ZMAT4: variants seen among roughly 807,000 people sequenced by gnomAD.
The protein encoded by ZMAT4 is zinc finger matrin-type protein 4.
In ZMAT4, 17 loss-of-function variants were observed where a neutral mutation model predicts 28.7. That is an observed-to-expected ratio of 0.59 (90% CI 0.41 to 0.89). The LOEUF is 0.89. ZMAT4 is among the 40% of genes least tolerant of loss of function. The probability of loss-of-function intolerance (pLI) is 0.00; values close to 1 mark genes in which losing one functional copy is unlikely to be tolerated. For missense variants in ZMAT4, 240 were observed against 283.8 expected (o/e 0.85, Z 1.11); for synonymous variants, 117 against 109.2 (o/e 1.07, Z -0.44).
intron 6 of ZMAT4, among the ~76,000 whole-genome samples, chr8:40,555,965 C>G (rs998507666): frequency 2.0e-5 from 3 of 152,106 alleles, no homozygotes; most frequent in African/African-American, 4.8e-5. Context: ...GGTATTTGGA[C>G]TTTATCTTAC....
At chr8:40,713,977 A>G (rs1056647610) in intron 3 of ZMAT4, among the ~76,000 whole-genome samples, 1 of 151,636 alleles carries the variant, frequency 6.6e-6, no homozygotes. Context: ...AAAGAAATAT[A>G]CATATCCAAT....
At chr8:40,634,038 A>G (rs1222517363) in intron 5 of ZMAT4, among the ~76,000 whole-genome samples, 1 of 152,222 alleles carries the variant, frequency 6.6e-6, no homozygotes, top group East Asian at 1.9e-4. Context: ...CTGAGGTCAC[A>G]TGAACCACTG....
intron 1 of ZMAT4, among the ~76,000 whole-genome samples, chr8:40,857,306 G>A (rs1048674112): frequency 6.6e-6 from 1 of 151,966 alleles, no homozygotes; most frequent in Non-Finnish European, 1.5e-5. Flanking sequence ...GTGAGCTATG[G>A]TCATGCCTGA....
intron 2 of ZMAT4, among the ~76,000 whole-genome samples, chr8:40,817,503 G>T (rs1815590391): frequency 6.6e-6 from 1 of 152,226 alleles, no homozygotes; most frequent in Non-Finnish European, 1.5e-5. Context: ...CCACTTTATG[G>T]AAAGGGAAAA....
At chr8:40,813,057 T>A (rs1016958159) in intron 2 of ZMAT4, among the ~76,000 whole-genome samples, 2 of 151,670 alleles carry the variant, frequency 1.3e-5, no homozygotes, top group Admixed American at 1.3e-4. Context: ...CTGTGACAAA[T>A]GTACCATAGC....
intron 2 of ZMAT4, among the ~76,000 whole-genome samples, chr8:40,813,166 A>T (rs1815396880): frequency 6.6e-6 from 1 of 152,054 alleles, no homozygotes; most frequent in South Asian, 2.1e-4. Flanking sequence ...CTATTCTAAA[A>T]TTTAAAAATT....
At chr8:40,624,044 C>T (rs936279300) in intron 5 of ZMAT4, among the ~76,000 whole-genome samples, 1 of 152,178 alleles carries the variant, frequency 6.6e-6, no homozygotes, top group Non-Finnish European at 1.5e-5. Flanking sequence ...TAGTATTCTG[C>T]AATTTCCTCT....
chr8:40,834,499 A>T (rs1236284630), intron 1 of ZMAT4, among the ~76,000 whole-genome samples: 2 of 152,092 alleles, frequency 1.3e-5, no homozygotes, highest in Non-Finnish European at 2.9e-5. Flanking sequence ...GACATACAAC[A>T]TCACTTGGAT....
intron 5 of ZMAT4, among the ~76,000 whole-genome samples, chr8:40,619,293 G>T (rs957394648): frequency 1.3e-5 from 2 of 152,164 alleles, no homozygotes; most frequent in East Asian, 3.8e-4. Flanking sequence ...CCTCTTTTAT[G>T]CCCATTCCAA....
In ZMAT4 at chr8:40,841,587, G is replaced by A. The variant is rs1036464932; in HGVS notation, c.-4-15907C>T. Among the ~76,000 whole-genome samples, 6 of 152,250 alleles carry A rather than the reference G, an allele frequency of 3.9e-5. No individual in the cohort carries two copies. The East Asian group carries it at 5.8e-4, about 15-fold the overall frequency. ...TGCACCCCCATAGGTGTGCACGCCCGACAGGTGTCGTACACCCCTGCAATG... is the reference window on the plus strand; with the variant it reads ...TGCACCCCCATAGGTGTGCACGCCCAACAGGTGTCGTACACCCCTGCAATG... On this transcript the variant is annotated intron_variant, in intron 1 of 6. Coordinates refer to ENST00000297737, the MANE Select transcript of ZMAT4 (RefSeq NM_024645.3).
intron 1 of ZMAT4, among the ~76,000 whole-genome samples, chr8:40,832,354 T>C (rs1214500601): frequency 6.6e-6 from 1 of 152,172 alleles, no homozygotes; most frequent in Non-Finnish European, 1.5e-5. Context: ...GACATTCTAG[T>C]TCTGCTTCTG....
chr8:40,682,438 G>A (rs759973130), intron 4 of ZMAT4, among the ~76,000 whole-genome samples: 1 of 152,158 alleles, frequency 6.6e-6, no homozygotes, highest in Admixed American at 6.6e-5. Flanking sequence ...TTGTCCCACT[G>A]TTATCACAGA....
intron 1 of ZMAT4, among the ~76,000 whole-genome samples, chr8:40,876,184 C>A (rs1805049169): frequency 6.6e-6 from 1 of 152,170 alleles, no homozygotes. Context: ...TCTGTCCCTG[C>A]CCCTCCTGAG....
intron 3 of ZMAT4, among the ~76,000 whole-genome samples, chr8:40,761,953 A>C (rs1812958242): frequency 6.6e-6 from 1 of 152,218 alleles, no homozygotes; most frequent in Non-Finnish European, 1.5e-5. Context: ...TGTGAAACTC[A>C]TGCGTAGCAG....
At chr8:40,783,099 C>A (rs535344844) in intron 2 of ZMAT4, among the ~76,000 whole-genome samples, 2 of 152,214 alleles carry the variant, frequency 1.3e-5, no homozygotes, top group African/African-American at 4.8e-5. Flanking sequence ...CACACAAAAA[C>A]TTGTCCATGA....
chr8:40,837,925 C>G (rs190767666), intron 1 of ZMAT4, among the ~76,000 whole-genome samples: 17 of 152,364 alleles, frequency 1.1e-4, no homozygotes, highest in African/African-American at 3.4e-4. Context: ...CAGACCCATG[C>G]TCCTCACCCC....
chr8:40,650,467 A>G, intron 5 of ZMAT4, among the ~76,000 whole-genome samples: 1 of 114,030 alleles, frequency 8.8e-6, no homozygotes. Flanking sequence ...CCAGGACCAG[A>G]TGGATTCACA....
intron 5 of ZMAT4, among the ~76,000 whole-genome samples, chr8:40,638,392 T>A (rs1195603147): frequency 6.6e-6 from 1 of 152,260 alleles, no homozygotes; most frequent in African/African-American, 2.4e-5. Context: ...CTTACATTTG[T>A]CTTTAATTTA....
intron 5 of ZMAT4, among the ~76,000 whole-genome samples, chr8:40,666,575 TA>T (rs1808424427): frequency 6.6e-6 from 1 of 152,112 alleles, no homozygotes. Flanking sequence ...ACTATTAAAG[TA>T]TATACTAATA....
Sources: gnomAD v4.1 joint callset for allele counts (sites outside exome capture counted in the v4.1 genomes callset) on GRCh38, gnomAD v4.1.1 for gene constraint, MANE v1.5 for transcripts, NCBI Gene and HGNC (gene_info 2026-07-23, HGNC 2026-07-21) for gene names.